Variants in NR2C2 observed in about 807,000 individuals in gnomAD.
NR2C2 encodes the protein Nuclear hormone receptor TR4.
Under a neutral mutation model 62.9 loss-of-function variants are expected in NR2C2, and 6 were observed. That is an observed-to-expected ratio of 0.10 (90% confidence interval 0.05 to 0.19). The LOEUF (loss-of-function observed/expected upper bound fraction) is 0.19, where lower values mean the gene tolerates loss of function less well. Among genes scored for constraint, NR2C2 ranks in the 10% least tolerant of loss-of-function variants. The probability of loss-of-function intolerance (pLI) is 1.00; values close to 1 mark genes in which losing one functional copy is unlikely to be tolerated. For missense variants in NR2C2, 479 were observed against 762.7 expected (o/e 0.63, Z 4.38); for synonymous variants, 272 against 273.8 (o/e 0.99, Z 0.07).
At chr3:14,955,882 A>G (rs1388326110) in intron 1 of NR2C2, among the ~76,000 whole-genome samples, 2 of 152,168 alleles carry the variant, frequency 1.3e-5, no homozygotes, top group African/African-American at 4.8e-5. Context: ...AACTGCTCTG[A>G]TACTATAAAT....
intron 1 of NR2C2, among the ~76,000 whole-genome samples, chr3:14,986,984 G>A (rs928759023): frequency 2.0e-5 from 3 of 152,148 alleles, no homozygotes; most frequent in Non-Finnish European, 4.4e-5. Context: ...AATAGGCAAG[G>A]AGACTGATAA....
chr3:15,000,787 G>T, intron 1 of NR2C2, among the ~76,000 whole-genome samples: 1 of 150,160 alleles, frequency 6.7e-6, no homozygotes, highest in Admixed American at 6.7e-5. Context: ...ACAATATTAA[G>T]TCACAAATGT....
intron 2 of NR2C2, among the ~76,000 whole-genome samples, chr3:15,007,688 TA>T (rs1437327192): frequency 1.3e-5 from 2 of 152,146 alleles, no homozygotes; most frequent in Non-Finnish European, 2.9e-5. Context: ...TAAGCCATGG[TA>T]AAAAGTCTTG....
chr3:14,981,602 CAAAA>C (rs927608192), intron 1 of NR2C2, among the ~76,000 whole-genome samples: 3 of 37,684 alleles, frequency 8.0e-5, no homozygotes, highest in Non-Finnish European at 1.5e-4. Flanking sequence ...GGCTCTGTCT[CAAAA>C]AAAAAAAAAA....
chr3:15,048,776 C>T lies in NR2C2; in HGVS notation c.*5768C>T, dbSNP rs1422633634. ...AACTAGTTTTATAACTGAAAAGCTG[C>T]ACATTTTTCACAGTACAAGCCGTAG... On this transcript the variant is annotated 3_prime_UTR_variant, in exon 14 of 14. Transcript: ENST00000425241. 1.3e-5 allele frequency: 2 copies of T among 152,610 alleles called. No homozygotes were observed. Among genetic ancestry groups the T allele is most frequent in the South Asian group, 2.1e-4 (1 of 4,834 alleles). 9.5% of individuals were successfully genotyped at this position (152,610 alleles called of 1,614,324 possible).
chr3:15,042,685 A>C (rs1245586354), intron 13 of NR2C2, 149 bp from the exon 14 acceptor site: 5 of 639,098 alleles, frequency 7.8e-6, no homozygotes, highest in African/African-American at 1.8e-5. Flanking sequence ...TATAAGAGGA[A>C]CTGTTGAAAT....
intron 9 of NR2C2, 56 bp downstream of exon 9, chr3:15,030,508 A>T: frequency 6.8e-7 from 1 of 1,476,840 alleles, no homozygotes; most frequent in East Asian, 2.5e-5. Context: ...TAGGTTCTGT[A>T]CCAAAGCCGA....
At chr3:15,019,797 T>G (rs1458793017) in intron 4 of NR2C2, among the ~76,000 whole-genome samples, 1 of 152,130 alleles carries the variant, frequency 6.6e-6, no homozygotes, top group African/African-American at 2.4e-5. Context: ...GACCAACTGG[T>G]ACAAAGTTAC....
Position 14,968,068 on chromosome 3 carries a change from A to G in NR2C2, c.-40+20162A>G, listed in dbSNP as rs145824543. Reference sequence around the variant, plus strand: ...AAACCTAGGCATTACCATTCAGGACATAGGCATGGGCAAGGACTTCATGTC... The same window carrying G: ...AAACCTAGGCATTACCATTCAGGACGTAGGCATGGGCAAGGACTTCATGTC... On this transcript the variant is annotated intron_variant, in intron 1 of 13. Coordinates refer to ENST00000425241, the MANE Select transcript of NR2C2 (RefSeq NM_001291694.2). 8.2e-3 allele frequency among the ~76,000 whole-genome samples: 1,243 copies of G among 152,384 alleles called. 21 individuals carry two copies. Among genetic ancestry groups the G allele is most frequent in the African/African-American group, 0.029 (1,187 of 41,584 alleles).
intron 13 of NR2C2, 32 bp downstream of exon 13, chr3:15,039,259 G>T: frequency 7.0e-7 from 1 of 1,425,304 alleles, no homozygotes. Context: ...GCTCTTGCTT[G>T]GGGCTGCAAG....
intron 1 of NR2C2, among the ~76,000 whole-genome samples, chr3:14,993,369 G>A (rs985444882): frequency 3.3e-5 from 5 of 151,576 alleles, no homozygotes; most frequent in Admixed American, 6.6e-5. Context: ...CAGGAGAATC[G>A]CTTGAACCTG....
At chr3:15,017,187 A>AG (rs2041534900) in intron 4 of NR2C2, among the ~76,000 whole-genome samples, 1 of 152,152 alleles carries the variant, frequency 6.6e-6, no homozygotes, top group Non-Finnish European at 1.5e-5. Context: ...CATCTACAGA[A>AG]GATCAGAAGC....
intron 1 of NR2C2, among the ~76,000 whole-genome samples, chr3:14,989,684 A>G (rs767115830): frequency 1.3e-5 from 2 of 151,190 alleles, no homozygotes; most frequent in East Asian, 2.0e-4. Context: ...TGTAATCCCA[A>G]CGCTTTGGGA....
At chr3:15,001,893 C>G (rs1471544257) in intron 1 of NR2C2, among the ~76,000 whole-genome samples, 1 of 152,206 alleles carries the variant, frequency 6.6e-6, no homozygotes, top group Non-Finnish European at 1.5e-5. Flanking sequence ...GCCAAGGTTA[C>G]AGGCTTGAGC....
intron 1 of NR2C2, among the ~76,000 whole-genome samples, chr3:14,952,646 C>T (rs1559523626): frequency 6.6e-6 from 1 of 152,164 alleles, no homozygotes; most frequent in Non-Finnish European, 1.5e-5. Flanking sequence ...TCATCTTTAA[C>T]TTAATGGATA....
At chr3:15,029,174 G>C (rs1276635816) in intron 8 of NR2C2, among the ~76,000 whole-genome samples, 1 of 150,438 alleles carries the variant, frequency 6.6e-6, no homozygotes, top group East Asian at 2.0e-4. Flanking sequence ...AGAACTCTTG[G>C]GCTCAAGTGA....
At chr3:15,036,255 C>G (rs760285707) in intron 11 of NR2C2, among the ~76,000 whole-genome samples, 2 of 151,848 alleles carry the variant, frequency 1.3e-5, no homozygotes, top group African/African-American at 4.8e-5. Flanking sequence ...CCAGGACATA[C>G]GTACCTCACC....
At chr3:14,984,662 G>T (rs2040466969) in intron 1 of NR2C2, among the ~76,000 whole-genome samples, 1 of 152,176 alleles carries the variant, frequency 6.6e-6, no homozygotes, top group Non-Finnish European at 1.5e-5. Context: ...TGTATCCATT[G>T]TATAGATATG....
At chr3:14,958,763 G>A (rs1011644727) in intron 1 of NR2C2, among the ~76,000 whole-genome samples, 4 of 152,144 alleles carry the variant, frequency 2.6e-5, no homozygotes, top group Admixed American at 6.5e-5. Context: ...AGATCTCGAG[G>A]TCAGGAGATC....
Sources: allele counts gnomAD v4.1 joint callset (sites outside exome capture counted in the v4.1 genomes callset), GRCh38; gene constraint gnomAD v4.1.1; transcripts MANE v1.5; gene names NCBI Gene and HGNC (gene_info 2026-07-23, HGNC 2026-07-21).